Variants in CELF2 observed in about 807,000 individuals in gnomAD.
CELF2 encodes the protein CUGBP Elav-like family member 2.
Under a neutral mutation model 62.6 loss-of-function variants are expected in CELF2, and 8 were observed. The ratio of observed to expected loss-of-function variants is 0.13; its 90% CI spans 0.07 to 0.23. The LOEUF is 0.23. Ranked by LOEUF, CELF2 falls within the 10% of genes least tolerant of loss-of-function variation. The pLI, the probability that CELF2 is intolerant of heterozygous loss-of-function variation, is 1.00. For synonymous variants in CELF2, 258 were observed against 250.0 expected (o/e 1.03, Z -0.30); for missense variants, 333 against 671.0 (o/e 0.50, Z 5.56).
the CELF2 span, among the ~76,000 whole-genome samples, chr10:10,687,166 C>T: frequency 6.6e-6 from 1 of 152,170 alleles, no homozygotes; most frequent in Non-Finnish European, 1.5e-5. Flanking sequence ...CAGATGGGCA[C>T]ATGCAAAGTG....
intron 1 of CELF2, among the ~76,000 whole-genome samples, chr10:10,870,455 C>T (rs879738519): frequency 6.6e-6 from 1 of 152,142 alleles, no homozygotes; most frequent in African/African-American, 2.4e-5. Flanking sequence ...AAGACTCACC[C>T]TCATGGAAAC....
In CELF2 at chr10:11,247,780, C is replaced by T. The variant is rs775700271; in HGVS notation, c.355-1373C>T. ...GCTTGCTCAAAGACTCTGCCCATCT[C>T]CCCCAGGCATGTTGCTGGTCCTTCT... is the stretch of plus-strand genomic sequence containing the variant. On this transcript the variant is annotated intron_variant, in intron 3 of 12. Transcript: ENST00000633077. The surrounding 1 kb of genome is among the most constrained non-coding windows in gnomAD (Gnocchi z 5.4). 1.3e-5 allele frequency among the ~76,000 whole-genome samples: 2 copies of T among 152,182 alleles called. No homozygotes were observed. Among genetic ancestry groups the T allele is most frequent in the East Asian group, 3.9e-4 (2 of 5,190 alleles).
chr10:11,004,781 G>A (rs1288877914), upstream of CELF2, among the ~76,000 whole-genome samples: 1 of 152,142 alleles, frequency 6.6e-6, no homozygotes, highest in Non-Finnish European at 1.5e-5. The surrounding 1 kb of genome is among the most constrained non-coding windows in gnomAD (Gnocchi z 5.0). Context: ...TCAGGGTGGG[G>A]CTAAGGGTCT....
chr10:10,636,711 C>G, the CELF2 span, among the ~76,000 whole-genome samples: 17 of 152,154 alleles, frequency 1.1e-4, no homozygotes, highest in Admixed American at 3.3e-4. Flanking sequence ...TTATTGCTTA[C>G]GAATTTTACC....
At chr10:10,633,616 A>G in the CELF2 span, among the ~76,000 whole-genome samples, 1 of 152,154 alleles carries the variant, frequency 6.6e-6, no homozygotes, top group African/African-American at 2.4e-5. Flanking sequence ...TAGAAAATGA[A>G]TATTTTTATG....
At chr10:10,516,616 G>GT in the CELF2 span, among the ~76,000 whole-genome samples, 1 of 151,696 alleles carries the variant, frequency 6.6e-6, no homozygotes, top group Non-Finnish European at 1.5e-5. Flanking sequence ...CTGAGAGCTG[G>GT]TTTTTCTCAT....
rs2082625384 is a variant in CELF2 at position 11,267,973 on chromosome 10, T to C, written c.618+1296T>C. Among the ~76,000 whole-genome samples the C allele has an allele frequency of 6.6e-6, 1 of 152,192 alleles. No individual in the cohort carries two copies. The highest frequency in any genetic ancestry group is 2.4e-5 in the African/African-American group (1 of 41,442). On this transcript the variant is annotated intron_variant, in intron 6 of 12. Transcript: ENST00000633077. The surrounding 1 kb of genome is among the most constrained non-coding windows in gnomAD (Gnocchi z 4.4). ...TGTGTTTTCCTTTCAGTGCAATGCA[T>C]TTTTAAGACACTCACAACCCCCTAC...
At chr10:11,089,801 G>A (rs114442887) in intron 1 of CELF2, among the ~76,000 whole-genome samples, 24 of 152,242 alleles carry the variant, frequency 1.6e-4, no homozygotes, top group African/African-American at 5.8e-4. Flanking sequence ...TGCCAGGTTG[G>A]ATAAAGAAAA....
intron 1 of CELF2, among the ~76,000 whole-genome samples, chr10:10,881,111 T>A (rs959667570): frequency 6.6e-6 from 1 of 152,334 alleles, no homozygotes; most frequent in Non-Finnish European, 1.5e-5. Flanking sequence ...CGACTGTTAC[T>A]AGGACGTGAT....
At chr10:10,691,175 G>A in the CELF2 span, among the ~76,000 whole-genome samples, 1 of 148,550 alleles carries the variant, frequency 6.7e-6, no homozygotes, top group African/African-American at 2.5e-5. Flanking sequence ...CCCCACAACA[G>A]TCCCCAGAGT....
At position 11,267,354 on chromosome 10, in the gene CELF2, C is replaced by A. The variant is rs1055867234; in HGVS notation, c.618+677C>A. On this transcript the variant is annotated intron_variant, in intron 6 of 12. Coordinates refer to ENST00000633077, the MANE Select transcript of CELF2 (RefSeq NM_001326342.2). The surrounding 1 kb of genome is among the most constrained non-coding windows in gnomAD (Gnocchi z 4.4). Reference sequence around the variant, plus strand: ...ACACCCTGGTGTGGATGCACACCCACGAACCTAGATAGATGGCTCTGTACT... The same window carrying A: ...ACACCCTGGTGTGGATGCACACCCAAGAACCTAGATAGATGGCTCTGTACT... 2.6e-5 allele frequency among the ~76,000 whole-genome samples: 4 copies of A among 152,202 alleles called. No homozygotes were observed. Among genetic ancestry groups the A allele is most frequent in the Non-Finnish European group, 5.9e-5 (4 of 68,048 alleles).
At chr10:10,714,870 C>G in the CELF2 span, among the ~76,000 whole-genome samples, 7 of 150,524 alleles carry the variant, frequency 4.7e-5, no homozygotes, top group Non-Finnish European at 8.8e-5. Context: ...ATTTAAGAAG[C>G]CTTATTTAAA....
chr10:10,709,147 G>A, the CELF2 span, among the ~76,000 whole-genome samples: 1 of 152,168 alleles, frequency 6.6e-6, no homozygotes, highest in Non-Finnish European at 1.5e-5. Context: ...TCAGCAGAAA[G>A]GAAGCGGCAA....
At chr10:10,666,023 C>T in the CELF2 span, among the ~76,000 whole-genome samples, 9 of 152,176 alleles carry the variant, frequency 5.9e-5, no homozygotes, top group African/African-American at 1.2e-4. Flanking sequence ...TCATTCTCAC[C>T]GCTTGCAAAG....
At chr10:11,225,279 T>C (rs1443362837) in intron 3 of CELF2, among the ~76,000 whole-genome samples, 2 of 152,132 alleles carry the variant, frequency 1.3e-5, no homozygotes, top group Non-Finnish European at 2.9e-5. Flanking sequence ...TGTCATTACT[T>C]CCCATTAACA....
intron 1 of CELF2, among the ~76,000 whole-genome samples, chr10:11,100,815 T>C (rs1297901085): frequency 3.3e-5 from 5 of 152,202 alleles, no homozygotes; most frequent in Admixed American, 3.3e-4. Flanking sequence ...ACTCTCTTTC[T>C]GTGTTTGTTG....
At chr10:10,667,687 T>TCTCTGCGCA in the CELF2 span, among the ~76,000 whole-genome samples, 8 of 152,262 alleles carry the variant, frequency 5.3e-5, no homozygotes, top group East Asian at 1.5e-3. Flanking sequence ...CAAAGGTGCC[T>TCTCTGCGCA]CTCTGCGCAC....
chr10:10,837,347 C>T (rs575621414), intron 1 of CELF2, among the ~76,000 whole-genome samples: 10 of 152,158 alleles, frequency 6.6e-5, no homozygotes, highest in South Asian at 2.1e-4. Flanking sequence ...TTTCACCTTC[C>T]GCATGATTGT....
At chr10:10,832,648 T>C (rs538302167) in intron 1 of CELF2, among the ~76,000 whole-genome samples, 1 of 152,290 alleles carries the variant, frequency 6.6e-6, no homozygotes, top group Admixed American at 6.5e-5. Flanking sequence ...ATTGACTAAA[T>C]AGTCCATGAT....
Sources: gnomAD v4.1 joint callset for allele counts (sites outside exome capture counted in the v4.1 genomes callset) on GRCh38, gnomAD v4.1.1 for gene constraint, Gnocchi (gnomAD v3.1) non-coding constraint, MANE v1.5 for transcripts, NCBI Gene and HGNC (gene_info 2026-07-23, HGNC 2026-07-21) for gene names.